Variants in SUMF1 observed in about 807,000 individuals in gnomAD.
The protein encoded by SUMF1 is formylglycine-generating enzyme.
Under a neutral mutation model 47.6 loss-of-function variants are expected in SUMF1, and 48 were observed. That is an observed-to-expected ratio of 1.01 (90% CI 0.80 to 1.28). The LOEUF is 1.28. Ranked by LOEUF, SUMF1 falls within the 50% of genes most tolerant of loss-of-function variation. SUMF1 has a pLI of 0.00. For synonymous variants in SUMF1, 230 were observed against 192.1 expected, an observed-to-expected ratio of 1.20 and a Z score of -1.63; for missense variants, 571 against 485.4, an observed-to-expected ratio of 1.18 and a Z score of -1.66.
intron 8 of SUMF1, among the ~76,000 whole-genome samples, chr3:4,265,824 T>TA (rs1697181823): frequency 6.6e-6 from 1 of 152,220 alleles, no homozygotes; most frequent in Non-Finnish European, 1.5e-5. Context: ...TCCTCAATGG[T>TA]AATGCCTAGG....
chr3:4,369,719 A>G (rs1472491348), intron 8 of SUMF1, among the ~76,000 whole-genome samples: 1 of 152,208 alleles, frequency 6.6e-6, no homozygotes, highest in Non-Finnish European at 1.5e-5. Flanking sequence ...CCTAGGCCAT[A>G]CATCCAGAAA....
At chr3:4,316,129 G>A in intron 8 of SUMF1, 1 of 571,826 alleles carries the variant, frequency 1.7e-6, no homozygotes, top group East Asian at 2.8e-5. Context: ...CTTAAATGTG[G>A]TCATGTTATA....
At chr3:4,442,404 CA>C (rs1702629393) in intron 3 of SUMF1, among the ~76,000 whole-genome samples, 3 of 134,234 alleles carry the variant, frequency 2.2e-5, no homozygotes, top group Non-Finnish European at 3.3e-5. Flanking sequence ...TACAGGCGCC[CA>C]ACACCACGCC....
At chr3:4,313,234 G>A in intron 8 of SUMF1, 2 of 1,613,948 alleles carry the variant, frequency 1.2e-6, no homozygotes, top group Non-Finnish European at 8.5e-7. Flanking sequence ...AGGAAGGTTT[G>A]TCTGTGAATA....
intron 8 of SUMF1, chr3:4,313,055 T>C (rs142950522): frequency 1.2e-4 from 191 of 1,613,948 alleles, no homozygotes; most frequent in South Asian, 5.5e-4. Flanking sequence ...CTTAGAGATA[T>C]AGGATCTGGA....
intron 8 of SUMF1, among the ~76,000 whole-genome samples, chr3:4,068,942 A>G (rs868253112): frequency 1.3e-5 from 2 of 152,194 alleles, no homozygotes; most frequent in Non-Finnish European, 2.9e-5. Flanking sequence ...TAACAATTTG[A>G]GCACTGACAA....
chr3:4,397,143 C>A (rs1294257337), intron 7 of SUMF1, among the ~76,000 whole-genome samples: 1 of 152,186 alleles, frequency 6.6e-6, no homozygotes, highest in Non-Finnish European at 1.5e-5. Flanking sequence ...CACAAAGGAA[C>A]ATGCCTGCTC....
chr3:4,184,530 C>T (rs1481188592), intron 8 of SUMF1, among the ~76,000 whole-genome samples: 3 of 152,026 alleles, frequency 2.0e-5, no homozygotes, highest in African/African-American at 7.2e-5. Flanking sequence ...GGGACTTGGT[C>T]TCACAACGAT....
chr3:4,268,092 T>C (rs572652287), intron 8 of SUMF1, among the ~76,000 whole-genome samples: 1 of 152,320 alleles, frequency 6.6e-6, no homozygotes, highest in African/African-American at 2.4e-5. Flanking sequence ...TGTAGGGACA[T>C]GGATGAAATT....
At chr3:4,456,931 TATA>T (rs2079654377) in intron 1 of SUMF1, among the ~76,000 whole-genome samples, 2 of 130,980 alleles carry the variant, frequency 1.5e-5, no homozygotes, top group African/African-American at 5.8e-5. Context: ...TGTGTATATA[TATA>T]CGTGTGTGTA....
At chr3:4,354,292 T>C (rs1033433643) in intron 8 of SUMF1, among the ~76,000 whole-genome samples, 2 of 152,180 alleles carry the variant, frequency 1.3e-5, no homozygotes, top group African/African-American at 4.8e-5. Context: ...TCTCTAAAAC[T>C]GAAATGCAAA....
At chr3:4,390,819 CATA>C (rs956590754) in intron 7 of SUMF1, among the ~76,000 whole-genome samples, 1 of 152,084 alleles carries the variant, frequency 6.6e-6, no homozygotes, top group Non-Finnish European at 1.5e-5. Flanking sequence ...CTGGGCTCAC[CATA>C]ATGTCATTTC....
At chr3:4,464,548 GCCAAATAAACATTTGTTTAATTAAA>G (rs2079893736) in intron 1 of SUMF1, among the ~76,000 whole-genome samples, 1 of 152,222 alleles carries the variant, frequency 6.6e-6, no homozygotes, top group African/African-American at 2.4e-5. Flanking sequence ...ATAGTAATGT[GCCAAATAAACATTTGTTTAATTAAA>G]CCAAATAAAC....
chr3:4,258,328 C>T (rs1200389396), intron 8 of SUMF1, among the ~76,000 whole-genome samples: 2 of 146,090 alleles, frequency 1.4e-5, no homozygotes, highest in Non-Finnish European at 3.0e-5. Context: ...AACAGGCAAC[C>T]TACAAAATGG....
In SUMF1 at chr3:4,373,463, G is replaced by GAAA. The variant is rs3075699; in HGVS notation, c.1014+2864_1014+2866dup. ...TTAAAAAATTAGGCCTACAGTAAAAGAAAAAAAAAATGGGCATACTGGCTC... is the reference window on the plus strand; with the variant it reads ...TTAAAAAATTAGGCCTACAGTAAAAGAAAAAAAAAAAAATGGGCATACTGGCTC... On this transcript the variant is annotated intron_variant, in intron 8 of 8. Transcript: ENST00000272902. Among the ~76,000 whole-genome samples the GAAA allele has an allele frequency of 8.9e-4, 133 of 149,916 alleles. 2 individuals carry two copies. Among genetic ancestry groups the GAAA allele is most frequent in the East Asian group, 2.3e-3 (12 of 5,114 alleles).
chr3:4,218,192 C>T (rs564952072), intron 8 of SUMF1, among the ~76,000 whole-genome samples: 16 of 152,030 alleles, frequency 1.1e-4, no homozygotes, highest in South Asian at 4.1e-4. Flanking sequence ...AGAGACCTTA[C>T]GAGAAATCAA....
At chr3:4,362,750 C>T (rs1195742966) in intron 8 of SUMF1, among the ~76,000 whole-genome samples, 3 of 151,994 alleles carry the variant, frequency 2.0e-5, no homozygotes, top group East Asian at 3.8e-4. Context: ...AGCAAGATCC[C>T]ATCTCTACAA....
chr3:4,197,871 T>C (rs559666857), intron 8 of SUMF1, among the ~76,000 whole-genome samples: 5 of 152,142 alleles, frequency 3.3e-5, no homozygotes, highest in African/African-American at 4.8e-5. Context: ...CTGTGATCCA[T>C]GGGGTATCCA....
At chr3:4,254,066 G>T in intron 8 of SUMF1, among the ~76,000 whole-genome samples, 1 of 151,330 alleles carries the variant, frequency 6.6e-6, no homozygotes, top group Non-Finnish European at 1.5e-5. Context: ...TCTGTTAGAA[G>T]GAAAACTAAC....
Sources: gnomAD v4.1 joint callset for allele counts (sites outside exome capture counted in the v4.1 genomes callset) on GRCh38, gnomAD v4.1.1 for gene constraint, MANE v1.5 for transcripts, NCBI Gene and HGNC (gene_info 2026-07-23, HGNC 2026-07-21) for gene names.